SUGCT: variants seen among roughly 807,000 people sequenced by gnomAD.
SUGCT encodes succinyl-CoA:glutarate CoA-transferase.
Under a neutral mutation model 55.0 loss-of-function variants are expected in SUGCT, and 41 were observed. That is an observed-to-expected ratio of 0.74 (90% CI 0.58 to 0.97). The LOEUF is 0.97. Among genes scored for constraint, SUGCT ranks in the 50% least tolerant of loss-of-function variants. The probability of loss-of-function intolerance (pLI) is 0.00; values close to 1 mark genes in which losing one functional copy is unlikely to be tolerated. For missense variants in SUGCT, 568 were observed against 547.8 expected (o/e 1.04, Z -0.37); for synonymous variants, 187 against 200.4 (o/e 0.93, Z 0.56).
At chr7:40,420,027 A>G (rs1216418310) in intron 9 of SUGCT, among the ~76,000 whole-genome samples, 1 of 152,154 alleles carries the variant, frequency 6.6e-6, no homozygotes, top group African/African-American at 2.4e-5. Context: ...TCAGGAGGGA[A>G]AACAGAAAAT....
chr7:40,528,129 T>G (rs2151588924), intron 12 of SUGCT, among the ~76,000 whole-genome samples: 1 of 152,292 alleles, frequency 6.6e-6, no homozygotes, highest in African/African-American at 2.4e-5. Flanking sequence ...ATAAGTATAC[T>G]TACCTTGAAA....
intron 12 of SUGCT, among the ~76,000 whole-genome samples, chr7:40,719,070 A>G (rs1427850675): frequency 6.6e-6 from 1 of 152,192 alleles, no homozygotes; most frequent in Non-Finnish European, 1.5e-5. Context: ...CCTTAAGATA[A>G]AGCCCGATGC....
At chr7:40,165,373 G>A (rs576168786) in intron 1 of SUGCT, among the ~76,000 whole-genome samples, 1 of 152,146 alleles carries the variant, frequency 6.6e-6, no homozygotes, top group African/African-American at 2.4e-5. Flanking sequence ...GTTTATTTGT[G>A]TCGTCTAAAC....
the SUGCT span, among the ~76,000 whole-genome samples, chr7:40,896,486 G>A: frequency 6.6e-6 from 1 of 152,140 alleles, no homozygotes; most frequent in African/African-American, 2.4e-5. Context: ...GGAACCAATG[G>A]GAGATAATTG....
At chr7:40,847,849 C>T (rs1014850940) in intron 13 of SUGCT, among the ~76,000 whole-genome samples, 2 of 152,180 alleles carry the variant, frequency 1.3e-5, no homozygotes, top group Non-Finnish European at 2.9e-5. Context: ...GACCCCCAAA[C>T]TCCTTTGCAA....
At chr7:40,205,093 A>G (rs961233331) in intron 6 of SUGCT, among the ~76,000 whole-genome samples, 15 of 151,480 alleles carry the variant, frequency 9.9e-5, no homozygotes, top group Non-Finnish European at 1.9e-4. Context: ...GTCTCTACTA[A>G]AAATACAAAA....
intron 13 of SUGCT, among the ~76,000 whole-genome samples, chr7:40,819,564 A>T (rs994916719): frequency 6.6e-6 from 1 of 151,772 alleles, no homozygotes; most frequent in Non-Finnish European, 1.5e-5. Flanking sequence ...TTCTTTTGAG[A>T]AGTGTCTGTT....
chr7:40,776,629 A>G (rs1361617806), intron 13 of SUGCT, among the ~76,000 whole-genome samples: 1 of 152,190 alleles, frequency 6.6e-6, no homozygotes, highest in Non-Finnish European at 1.5e-5. Context: ...TTAAATGTCA[A>G]CACCTCTATC....
intron 3 of SUGCT, among the ~76,000 whole-genome samples, chr7:40,185,670 A>C (rs1446690959): frequency 3.9e-5 from 6 of 152,082 alleles, no homozygotes; most frequent in Non-Finnish European, 8.8e-5. Context: ...TTACAGGCAT[A>C]TGCCATCACC....
intron 12 of SUGCT, among the ~76,000 whole-genome samples, chr7:40,513,238 C>T (rs1228705450): frequency 2.0e-5 from 3 of 152,114 alleles, no homozygotes; most frequent in African/African-American, 7.2e-5. Flanking sequence ...TTAGTCAGAA[C>T]TCTGGGCCTC....
chr7:40,142,262 T>A (rs1486952231), intron 1 of SUGCT, among the ~76,000 whole-genome samples: 2 of 152,180 alleles, frequency 1.3e-5, no homozygotes, highest in Non-Finnish European at 2.9e-5. Flanking sequence ...TACCAGGAAG[T>A]TAAGTTTAAA....
intron 12 of SUGCT, among the ~76,000 whole-genome samples, chr7:40,626,886 CTAGT>C (rs1019581289): frequency 3.3e-5 from 5 of 152,098 alleles, no homozygotes; most frequent in African/African-American, 9.7e-5. Flanking sequence ...CCGTGCATGT[CTAGT>C]TAAAGTTTTC....
chr7:40,853,949 C>T (rs1428716062), intron 13 of SUGCT, among the ~76,000 whole-genome samples: 2 of 152,216 alleles, frequency 1.3e-5, no homozygotes, highest in Non-Finnish European at 2.9e-5. Context: ...ATTCCTGCCC[C>T]CATAGGGGAT....
rs552889379 is a variant in SUGCT, at chr7:40,151,792, A to G, written c.100+16672A>G. The stretch of plus-strand genomic sequence containing the variant: ...GGCCCAGATACAGTTTAATTCATGC[A>G]TAGCCAGCTGTACAAGAGACTGGAG... On this transcript the variant is annotated intron_variant, in intron 1 of 13. Transcript: ENST00000335693. The G allele has an allele frequency of 2.0e-5, 3 of 153,060 alleles. No individual in the cohort carries two copies. The South Asian group carries it at 6.2e-4, about 31-fold the overall frequency. The allele number at this position is 153,060 out of a possible 1,614,324, so 9.5% of individuals were successfully genotyped here. A position where few individuals can be genotyped will look rare whatever the true frequency, so the allele number is the denominator to read the frequency against.
intron 9 of SUGCT, among the ~76,000 whole-genome samples, chr7:40,317,369 A>T (rs1795497282): frequency 6.6e-6 from 1 of 152,166 alleles, no homozygotes; most frequent in South Asian, 2.1e-4. Context: ...GAAATTCTTG[A>T]CTTTGGCTAG....
At chr7:40,898,003 C>T in the SUGCT span, among the ~76,000 whole-genome samples, 11 of 152,150 alleles carry the variant, frequency 7.2e-5, no homozygotes, top group Admixed American at 2.0e-4. Context: ...CTCAGGTTCC[C>T]TTCCGGTGTG....
chr7:40,244,776 A>G (rs571843905), intron 7 of SUGCT, among the ~76,000 whole-genome samples: 3 of 152,194 alleles, frequency 2.0e-5, no homozygotes, highest in Non-Finnish European at 4.4e-5. Context: ...TACTAAATCC[A>G]TAAGATACAT....
chr7:40,846,674 G>C (rs770421827), intron 13 of SUGCT, among the ~76,000 whole-genome samples: 8 of 152,162 alleles, frequency 5.3e-5, no homozygotes, highest in Non-Finnish European at 1.0e-4. Context: ...TTATAATACA[G>C]TACTGCTTTA....
chr7:40,482,066 A>G (rs1347294252), intron 11 of SUGCT, among the ~76,000 whole-genome samples: 9 of 152,302 alleles, frequency 5.9e-5, no homozygotes, highest in Admixed American at 5.9e-4. Flanking sequence ...TTTTAAAATG[A>G]TACATATTTA....
Sources: gnomAD v4.1 joint callset for allele counts (sites outside exome capture counted in the v4.1 genomes callset) on GRCh38, gnomAD v4.1.1 for gene constraint, MANE v1.5 for transcripts, NCBI Gene and HGNC (gene_info 2026-07-23, HGNC 2026-07-21) for gene names.